Variants in ATAD2B observed in about 807,000 individuals in gnomAD.
The protein encoded by ATAD2B is ATPase family AAA domain containing 2B.
ATAD2B carries 40 observed loss-of-function variants against 167.6 expected under a neutral mutation model. That is an observed-to-expected ratio of 0.24 (90% confidence interval 0.19 to 0.31). ATAD2B has a LOEUF of 0.31. Ranked by LOEUF, ATAD2B falls within the 10% of genes least tolerant of loss-of-function variation. The probability of loss-of-function intolerance (pLI) is 1.00; values close to 1 mark genes in which losing one functional copy is unlikely to be tolerated. For missense variants in ATAD2B, 1,242 were observed against 1,757.2 expected (o/e 0.71, Z 5.24); for synonymous variants, 579 against 596.5 (o/e 0.97, Z 0.43).
At chr2:23,837,703 A>G (rs1690229646) in intron 13 of ATAD2B, among the ~76,000 whole-genome samples, 1 of 152,364 alleles carries the variant, frequency 6.6e-6, no homozygotes, top group South Asian at 2.1e-4. Flanking sequence ...GAAAAAATAC[A>G]GTAGTTTGTT....
intron 6 of ATAD2B, among the ~76,000 whole-genome samples, chr2:23,881,360 CTTTTTTTT>C (rs11361642): frequency 2.5e-5 from 2 of 80,210 alleles, no homozygotes; most frequent in African/African-American, 1.0e-4. Context: ...GTGATCAATT[CTTTTTTTT>C]TTTTTTTTTT....
At chr2:23,691,267 C>T in the ATAD2B span, 14 of 259,848 alleles carry the variant, frequency 5.4e-5, no homozygotes, top group East Asian at 1.1e-4. Context: ...GCCTGGGTCA[C>T]GTTGGAGAAT....
chr2:23,920,762 C>T (rs933182471), intron 1 of ATAD2B, among the ~76,000 whole-genome samples: 1 of 152,138 alleles, frequency 6.6e-6, no homozygotes, highest in Non-Finnish European at 1.5e-5. Flanking sequence ...TGATTCCCCC[C>T]CAACTTTGTA....
chr2:23,732,279 G>C, the ATAD2B span, among the ~76,000 whole-genome samples: 1 of 152,170 alleles, frequency 6.6e-6, no homozygotes. Flanking sequence ...AAAAAGGAGA[G>C]ACTGAGGGGG....
intron 1 of ATAD2B, among the ~76,000 whole-genome samples, chr2:23,923,238 A>G (rs1704214440): frequency 6.6e-6 from 1 of 152,176 alleles, no homozygotes; most frequent in Admixed American, 6.5e-5. Context: ...TACACTAAAT[A>G]ATATGTCAGT....
intron 18 of ATAD2B, among the ~76,000 whole-genome samples, chr2:23,806,549 A>G (rs1572836569): frequency 6.6e-6 from 1 of 152,006 alleles, no homozygotes; most frequent in Non-Finnish European, 1.5e-5. Context: ...TGCTACTCTC[A>G]TATTTATTTT....
At chr2:23,740,285 C>A in the ATAD2B span, among the ~76,000 whole-genome samples, 1 of 152,118 alleles carries the variant, frequency 6.6e-6, no homozygotes, top group Admixed American at 6.5e-5. Flanking sequence ...TGATGAACAT[C>A]GATGTAAAAA....
chr2:23,864,326 T>C (rs953197023), intron 11 of ATAD2B, among the ~76,000 whole-genome samples: 1 of 152,092 alleles, frequency 6.6e-6, no homozygotes, highest in African/African-American at 2.4e-5. Context: ...TTCTGCCCAA[T>C]CTTCTTTAAC....
chr2:23,721,315 C>T, the ATAD2B span, among the ~76,000 whole-genome samples: 1 of 152,254 alleles, frequency 6.6e-6, no homozygotes, highest in East Asian at 1.9e-4. Context: ...AGCAGCTCCA[C>T]GGATTGCCCC....
intron 27 of ATAD2B, 137 bp downstream of exon 27, chr2:23,754,042 T>C: frequency 1.4e-6 from 1 of 698,154 alleles, no homozygotes; most frequent in Non-Finnish European, 2.2e-6. Context: ...TTAATGATTT[T>C]TGTCTTAAAT....
At chr2:23,911,553 C>G (rs1357545633) in intron 1 of ATAD2B, among the ~76,000 whole-genome samples, 2 of 147,670 alleles carry the variant, frequency 1.4e-5, no homozygotes, top group Non-Finnish European at 3.0e-5. Context: ...AGATCTTATC[C>G]CAAAAAGAAA....
At chr2:23,732,904 C>A in the ATAD2B span, among the ~76,000 whole-genome samples, 6 of 152,168 alleles carry the variant, frequency 3.9e-5, no homozygotes, top group Non-Finnish European at 8.8e-5. Context: ...CCTGGTTATG[C>A]TATTTAACTA....
intron 18 of ATAD2B, among the ~76,000 whole-genome samples, chr2:23,798,939 C>T (rs1572800376): frequency 6.6e-6 from 1 of 152,134 alleles, no homozygotes; most frequent in African/African-American, 2.4e-5. Flanking sequence ...AAGAGCTCTG[C>T]GACACTTCCA....
chr2:23,858,383 A>C (rs1558670323), intron 12 of ATAD2B, among the ~76,000 whole-genome samples: 1 of 151,568 alleles, frequency 6.6e-6, no homozygotes, highest in Non-Finnish European at 1.5e-5. Flanking sequence ...GGCCTCCCAA[A>C]GTGCTGGGAT....
the ATAD2B span, among the ~76,000 whole-genome samples, chr2:23,695,258 G>A: frequency 7.2e-3 from 1,092 of 152,120 alleles, 11 homozygotes; most frequent in African/African-American, 0.025. This position sits in a 1 kb window ranked among gnomAD's most constrained non-coding sequence, Gnocchi z 7.6. Flanking sequence ...TTTAATAATC[G>A]CGTCTTCCTC....
At chr2:23,904,552 T>TTTC (rs1701248625) in intron 1 of ATAD2B, among the ~76,000 whole-genome samples, 1 of 150,768 alleles carries the variant, frequency 6.6e-6, no homozygotes, top group African/African-American at 2.4e-5. Flanking sequence ...TTTTTTTTTT[T>TTTC]TTCTTTAAGA....
chr2:23,740,600 G>C, the ATAD2B span, among the ~76,000 whole-genome samples: 2 of 152,080 alleles, frequency 1.3e-5, no homozygotes, highest in African/African-American at 4.8e-5. Context: ...ATATCATACT[G>C]AATGGGCAAA....
At chr2:23,839,590 A>C (rs1217075941) in intron 13 of ATAD2B, among the ~76,000 whole-genome samples, 3 of 152,124 alleles carry the variant, frequency 2.0e-5, no homozygotes, top group African/African-American at 7.2e-5. Context: ...AAATAAAATC[A>C]ATTTAGTCAT....
At chr2:23,803,626 C>A (rs74633660) in intron 18 of ATAD2B, among the ~76,000 whole-genome samples, 11,981 of 152,214 alleles carry the variant, frequency 0.079, 596 homozygotes, top group South Asian at 0.11. Context: ...TTGACACTAA[C>A]TCTGCCATTT....
Sources: allele counts gnomAD v4.1 joint callset (sites outside exome capture counted in the v4.1 genomes callset), GRCh38; gene constraint gnomAD v4.1.1; non-coding constraint Gnocchi (gnomAD v3.1); transcripts MANE v1.5; gene names NCBI Gene and HGNC (gene_info 2026-07-23, HGNC 2026-07-21).